The following ABCB5 variants were observed in gnomAD, a reference collection of about 807,000 sequenced individuals.
The protein encoded by ABCB5 is ATP-binding cassette sub-family B member 5.
In ABCB5, 155 loss-of-function variants were observed where a neutral mutation model predicts 144.2. That is an observed-to-expected ratio of 1.08 (90% confidence interval 0.94 to 1.23). The LOEUF is 1.23. Among genes scored for constraint, ABCB5 ranks in the 50% most tolerant of loss-of-function variants. ABCB5 has a pLI of 0.00. For synonymous variants in ABCB5, 610 were observed against 528.6 expected, an observed-to-expected ratio of 1.15 and a Z score of -2.11; for missense variants, 1,830 against 1,520.8, an observed-to-expected ratio of 1.20 and a Z score of -3.38.
At chr7:20,685,608 C>A in intron 15 of ABCB5, 88 bp from the exon 16 acceptor site, 1 of 1,208,192 alleles carries the variant, frequency 8.3e-7, no homozygotes, top group Non-Finnish European at 1.1e-6. Flanking sequence ...ATAGCAAAGG[C>A]GATAACAGCT....
chr7:20,660,935 G>C (rs964992272), intron 14 of ABCB5, among the ~76,000 whole-genome samples: 1 of 151,986 alleles, frequency 6.6e-6, no homozygotes, highest in Non-Finnish European at 1.5e-5. Flanking sequence ...CCAATCAATG[G>C]TATTAAAAAA....
intron 8 of ABCB5, 24 bp downstream of exon 8, chr7:20,645,904 G>A: frequency 6.2e-7 from 1 of 1,612,840 alleles, no homozygotes; most frequent in Non-Finnish European, 8.5e-7. Context: ...AATATAACAA[G>A]ATATGCTTGG....
chr7:20,651,765 C>G (rs1784603034), intron 13 of ABCB5, 142 bp downstream of exon 13: 3 of 808,370 alleles, frequency 3.7e-6, no homozygotes, highest in East Asian at 5.3e-5. Context: ...GCTTGTCCAA[C>G]CAGTGGCACA....
chr7:20,664,124 CAA>C (rs1562548306), intron 14 of ABCB5, among the ~76,000 whole-genome samples: 3 of 151,566 alleles, frequency 2.0e-5, no homozygotes, highest in African/African-American at 7.3e-5. Context: ...AGAATAGTGA[CAA>C]AGAGGAATTT....
chr7:20,723,615 T>C (rs927231637), intron 21 of ABCB5, among the ~76,000 whole-genome samples: 21 of 152,234 alleles, frequency 1.4e-4, no homozygotes, highest in Non-Finnish European at 1.3e-4. Flanking sequence ...AATGTTATTA[T>C]ACGCAAAACA....
chr7:20,631,979 T>G (rs1784049803), intron 4 of ABCB5, 80 bp from the exon 5 acceptor site: 7 of 811,158 alleles, frequency 8.6e-6, no homozygotes, highest in Non-Finnish European at 1.3e-5. Context: ...GCACTATATT[T>G]GGTTTGGAGG....
At chr7:20,626,415 A>G (rs1783910326) in intron 2 of ABCB5, 142 bp from the exon 3 acceptor site, 1 of 635,004 alleles carries the variant, frequency 1.6e-6, no homozygotes, top group Non-Finnish European at 2.6e-6. Context: ...ACTGTCTATC[A>G]TTAAGTTTAT....
chr7:20,717,883 CTTTTTTTTTTTTTTTTTTTTTTT>C (rs574592723), intron 20 of ABCB5, among the ~76,000 whole-genome samples: 2,875 of 43,366 alleles, frequency 0.066, 166 homozygotes, highest in African/African-American at 0.19. Context: ...TTGTAACATT[CTTTTTTTTTTTTTTTTTTTTTTT>C]TTTTTTTTTT....
At position 20,704,845 on chromosome 7, in the gene ABCB5, G is replaced by A. The variant is rs754652054; in HGVS notation, c.2421+38G>A. 5 of 1,536,978 alleles carry A rather than the reference G, an allele frequency of 3.3e-6. No homozygotes were observed. The Admixed American group carries it at 5.0e-5, about 15-fold the overall frequency. ...TTTTTATTGTAAATGATGTATGTAT[G>A]TGGTGTGCACACATGCAATGCACAC... On this transcript the variant is annotated intron_variant, in intron 20 of 27. Transcript: ENST00000404938.
intron 14 of ABCB5, among the ~76,000 whole-genome samples, chr7:20,670,605 CTG>C (rs1393830290): frequency 6.6e-6 from 1 of 152,326 alleles, no homozygotes; most frequent in East Asian, 1.9e-4. Context: ...AAATGCGAGA[CTG>C]AGAAAAACAA....
intron 14 of ABCB5, among the ~76,000 whole-genome samples, chr7:20,672,255 G>C (rs183076306): frequency 1.9e-3 from 289 of 151,958 alleles, no homozygotes; most frequent in Non-Finnish European, 2.8e-3. Context: ...TGATTCTAGG[G>C]CTTGGCTTTC....
At chr7:20,651,350 C>A in intron 12 of ABCB5, 70 bp from the exon 13 acceptor site, 2 of 1,448,848 alleles carry the variant, frequency 1.4e-6, no homozygotes, top group South Asian at 1.2e-5. Flanking sequence ...ATATTTTGGT[C>A]TAGTATGAAA....
intron 20 of ABCB5, among the ~76,000 whole-genome samples, chr7:20,711,865 C>A (rs1335394132): frequency 8.2e-5 from 2 of 24,484 alleles, no homozygotes; most frequent in African/African-American, 1.8e-4. Flanking sequence ...TTCTTTCCTT[C>A]CTCCCTCCCT....
chr7:20,640,458 C>T (rs886516874), intron 5 of ABCB5, among the ~76,000 whole-genome samples: 77 of 152,116 alleles, frequency 5.1e-4, no homozygotes, highest in African/African-American at 1.6e-3. Flanking sequence ...TTATCTGACA[C>T]ACCTGTTTTC....
chr7:20,620,843 A>G (rs953057986), intron 1 of ABCB5, among the ~76,000 whole-genome samples: 1 of 152,164 alleles, frequency 6.6e-6, no homozygotes, highest in Non-Finnish European at 1.5e-5. Context: ...ATATTTCTCA[A>G]AAAGTTAAAC....
intron 5 of ABCB5, among the ~76,000 whole-genome samples, chr7:20,636,465 T>C (rs893712853): frequency 2.6e-5 from 4 of 152,076 alleles, no homozygotes; most frequent in African/African-American, 7.2e-5. Context: ...TATTTCTTTT[T>C]TTAAGACTCA....
intron 16 of ABCB5, among the ~76,000 whole-genome samples, chr7:20,689,101 G>A (rs868472295): frequency 1.1e-4 from 17 of 152,112 alleles, no homozygotes; most frequent in South Asian, 8.3e-4. Flanking sequence ...ATGTACCCTA[G>A]AACTTAAAGT....
At chr7:20,736,253 C>A (rs1027296143) in intron 23 of ABCB5, among the ~76,000 whole-genome samples, 3 of 152,112 alleles carry the variant, frequency 2.0e-5, no homozygotes, top group African/African-American at 7.2e-5. Flanking sequence ...GAGTCTCACT[C>A]TGTCACCAGG....
intron 20 of ABCB5, among the ~76,000 whole-genome samples, chr7:20,707,866 C>G (rs900705112): frequency 7.4e-6 from 1 of 135,672 alleles, no homozygotes; most frequent in African/African-American, 2.8e-5. Context: ...TGCAGTGGCG[C>G]GATCTCGGCT....
Sources: allele counts gnomAD v4.1 joint callset (sites outside exome capture counted in the v4.1 genomes callset), GRCh38; gene constraint gnomAD v4.1.1; transcripts MANE v1.5; gene names NCBI Gene and HGNC (gene_info 2026-07-23, HGNC 2026-07-21).